Variants in AGMO observed in about 807,000 individuals in gnomAD.
AGMO encodes the protein alkylglycerol monooxygenase.
In AGMO, 75 loss-of-function variants were observed where a neutral mutation model predicts 60.2. That is an observed-to-expected ratio of 1.25 (90% CI 1.03 to 1.51). AGMO has a LOEUF of 1.51. AGMO is among the 40% of genes most tolerant of loss of function. AGMO has a pLI of 0.00. For synonymous variants in AGMO, 261 were observed against 177.1 expected (o/e 1.47, Z -3.76); for missense variants, 763 against 525.5 (o/e 1.45, Z -4.42).
At chr7:15,528,139 G>C (rs1484857822) in intron 3 of AGMO, among the ~76,000 whole-genome samples, 3 of 152,076 alleles carry the variant, frequency 2.0e-5, no homozygotes, top group South Asian at 2.1e-4. Context: ...GCCATAGATA[G>C]TGATTCATCT....
At chr7:15,267,265 T>G (rs921028657) in intron 12 of AGMO, among the ~76,000 whole-genome samples, 1 of 151,988 alleles carries the variant, frequency 6.6e-6, no homozygotes, top group African/African-American at 2.4e-5. Flanking sequence ...GAAAATATAC[T>G]ATGTATAATT....
intron 5 of AGMO, among the ~76,000 whole-genome samples, chr7:15,400,548 T>C (rs746965398): frequency 2.6e-5 from 4 of 151,962 alleles, no homozygotes; most frequent in Non-Finnish European, 4.4e-5. Flanking sequence ...AATCTGGGAG[T>C]TGGTGAGAGG....
At chr7:15,387,340 G>A in intron 9 of AGMO, 66 bp downstream of exon 9, 1 of 1,556,670 alleles carries the variant, frequency 6.4e-7, no homozygotes, top group East Asian at 2.3e-5. Flanking sequence ...CGTATGTACA[G>A]GCTGGCTGTA....
chr7:15,415,245 C>T lies in AGMO; in HGVS notation c.609+3313G>A, dbSNP rs551621841. 1.4e-4 allele frequency among the ~76,000 whole-genome samples: 22 copies of T among 151,930 alleles called. No individual in the cohort carries two copies. In the South Asian group the frequency reaches 1.5e-3, roughly 10 times the overall value. Reference sequence around the variant, plus strand: ...ACGAGTAGCTGGGACTACAGGCACCCGCCACCATGCCCGGCTAATTTTTTT... The same window carrying T: ...ACGAGTAGCTGGGACTACAGGCACCTGCCACCATGCCCGGCTAATTTTTTT... On this transcript the variant is annotated intron_variant, in intron 5 of 12. Transcript: ENST00000342526.
intron 10 of AGMO, among the ~76,000 whole-genome samples, chr7:15,367,595 G>C (rs1019502118): frequency 1.3e-5 from 2 of 152,042 alleles, no homozygotes; most frequent in Admixed American, 1.3e-4. Flanking sequence ...GAATACATAT[G>C]AGCAATAGAT....
chr7:15,180,670 C>T, the AGMO span, among the ~76,000 whole-genome samples: 2 of 152,162 alleles, frequency 1.3e-5, no homozygotes, highest in Admixed American at 6.5e-5. Context: ...TCTGTTCTTC[C>T]AAATTCTTCC....
At chr7:15,544,653 C>T in intron 3 of AGMO, 119 bp downstream of exon 3, 1 of 867,248 alleles carries the variant, frequency 1.2e-6, no homozygotes, top group Non-Finnish European at 1.6e-6. Context: ...ATTTTTATAT[C>T]CGTAAAATAT....
the AGMO span, among the ~76,000 whole-genome samples, chr7:15,182,072 A>G: frequency 6.6e-6 from 1 of 152,218 alleles, no homozygotes; most frequent in African/African-American, 2.4e-5. Context: ...ATCTTAAAAA[A>G]TTATGCTAAG....
chr7:15,287,946 T>C (rs1162319690), intron 12 of AGMO, among the ~76,000 whole-genome samples: 3 of 152,296 alleles, frequency 2.0e-5, no homozygotes, highest in Admixed American at 1.3e-4. Context: ...GCTATGGAAA[T>C]CTTGACTCTC....
chr7:15,390,788 T>C, intron 7 of AGMO, 38 bp from the exon 8 acceptor site: 1 of 1,590,060 alleles, frequency 6.3e-7, no homozygotes, highest in Non-Finnish European at 8.6e-7. Flanking sequence ...TTTGGCTTCC[T>C]GTAAAGTAAA....
Position 15,446,646 on chromosome 7 carries a change from G to C in AGMO, c.410-15538C>G, listed in dbSNP as rs528509912. 4.9e-4 allele frequency among the ~76,000 whole-genome samples: 74 copies of C among 152,286 alleles called. 3 individuals are homozygous for C. The South Asian group carries it at 0.015, about 31-fold the overall frequency. ...ATAAATATCCACCTTATAAAGAATA[G>C]ATTGCATTTAGTTGTTTTTCTAAAC... is the stretch of plus-strand genomic sequence containing the variant. On this transcript the variant is annotated intron_variant, in intron 3 of 12. Transcript: ENST00000342526.
chr7:15,320,168 G>A (rs1406050718), intron 12 of AGMO, among the ~76,000 whole-genome samples: 1 of 151,946 alleles, frequency 6.6e-6, no homozygotes, highest in South Asian at 2.1e-4. Context: ...TGTAAATGAC[G>A]AGTTAATGGG....
At position 15,302,270 on chromosome 7, in the gene AGMO, G is replaced by GA. The variant is rs530806431; in HGVS notation, c.1263+63243dup. ...TACCTCTGAAATAAACATTCTTTGG[G>GA]AAAAAATGTGTCACATCATGAGAAA... is the stretch of plus-strand genomic sequence containing the variant. On this transcript the variant is annotated intron_variant, in intron 12 of 12. Transcript: ENST00000342526. Among the ~76,000 whole-genome samples, 720 of 151,980 alleles carry GA rather than the reference G, an allele frequency of 4.7e-3. 6 individuals carry two copies. The highest frequency in any genetic ancestry group is 0.016 in the African/African-American group (677 of 41,482).
chr7:15,465,272 C>T lies in AGMO; in HGVS notation c.410-34164G>A, dbSNP rs919728552. 2.6e-5 allele frequency among the ~76,000 whole-genome samples: 4 copies of T among 151,834 alleles called. No homozygotes were observed. In the South Asian group the frequency reaches 6.2e-4, roughly 24 times the overall value. ...TCTTCTCAGCACTGCTCCCCAGAAA[C>T]ACACTTTCCTTGAATTTTAAATCAG... is the stretch of plus-strand genomic sequence containing the variant. On this transcript the variant is annotated intron_variant, in intron 3 of 12. Transcript: ENST00000342526.
intron 3 of AGMO, among the ~76,000 whole-genome samples, chr7:15,456,891 C>T (rs1782012107): frequency 6.6e-6 from 1 of 152,108 alleles, no homozygotes; most frequent in African/African-American, 2.4e-5. Context: ...CCATTTATTG[C>T]TCAATGTTGT....
At chr7:15,370,384 G>C (rs1401835684) in intron 10 of AGMO, among the ~76,000 whole-genome samples, 1 of 152,056 alleles carries the variant, frequency 6.6e-6, no homozygotes, top group African/African-American at 2.4e-5. Context: ...GTCTTTTAGA[G>C]TGATTTATTT....
chr7:15,242,238 C>G (rs946452447), intron 12 of AGMO, among the ~76,000 whole-genome samples: 1 of 152,056 alleles, frequency 6.6e-6, no homozygotes, highest in Non-Finnish European at 1.5e-5. Context: ...TCATGAAGGA[C>G]CATTTTAGGA....
chr7:15,495,493 T>C (rs1111521), intron 3 of AGMO, among the ~76,000 whole-genome samples: 99,201 of 151,906 alleles, frequency 0.65, 32,999 homozygotes, highest in East Asian at 0.97. Flanking sequence ...CTCTTTCAAA[T>C]AGAAGGGGGG....
intron 10 of AGMO, among the ~76,000 whole-genome samples, chr7:15,373,487 G>T (rs1783311561): frequency 2.0e-5 from 3 of 152,072 alleles, no homozygotes; most frequent in Non-Finnish European, 4.4e-5. Context: ...CTTAATCAAT[G>T]AATGTGTGGG....
Sources: gnomAD v4.1 joint callset for allele counts (sites outside exome capture counted in the v4.1 genomes callset) on GRCh38, gnomAD v4.1.1 for gene constraint, MANE v1.5 for transcripts, NCBI Gene and HGNC (gene_info 2026-07-23, HGNC 2026-07-21) for gene names.